The following ARHGAP22 variants were observed in gnomAD, a reference collection of about 807,000 sequenced individuals.
ARHGAP22 encodes Rho GTPase activating protein 22.
A neutral mutation model predicts 59.1 loss-of-function variants in ARHGAP22; 48 were observed. That is an observed-to-expected ratio of 0.81 (90% CI 0.64 to 1.03). ARHGAP22 has a LOEUF of 1.03. Ranked by LOEUF, ARHGAP22 falls within the 50% of genes least tolerant of loss-of-function variation. ARHGAP22 has a pLI of 0.00. For missense variants in ARHGAP22, 1,015 were observed against 958.7 expected (o/e 1.06, Z -0.78); for synonymous variants, 445 against 416.4 (o/e 1.07, Z -0.84).
intron 1 of ARHGAP22, among the ~76,000 whole-genome samples, chr10:48,628,434 C>T (rs1423331594): frequency 1.3e-5 from 2 of 152,142 alleles, no homozygotes; most frequent in African/African-American, 4.8e-5. Context: ...TAGCAGATGG[C>T]TAAGTCTGCT....
intron 3 of ARHGAP22, among the ~76,000 whole-genome samples, chr10:48,511,185 A>T (rs555554003): frequency 5.3e-5 from 8 of 152,332 alleles, no homozygotes; most frequent in African/African-American, 9.6e-5. Context: ...CCTGGCCCTC[A>T]TCAGGAAGAT....
chr10:48,491,867 C>G (rs2050427901), intron 3 of ARHGAP22, among the ~76,000 whole-genome samples: 1 of 152,244 alleles, frequency 6.6e-6, no homozygotes, highest in South Asian at 2.1e-4. Context: ...TACCAGGGAA[C>G]TATGACCCCG....
chr10:48,546,289 A>G (rs2056427860), intron 3 of ARHGAP22, among the ~76,000 whole-genome samples: 1 of 152,224 alleles, frequency 6.6e-6, no homozygotes, highest in African/African-American at 2.4e-5. Context: ...CAGTTCTTGT[A>G]AGCCCCTCAG....
At chr10:48,483,489 T>C (rs1413507331) in intron 3 of ARHGAP22, among the ~76,000 whole-genome samples, 1 of 152,210 alleles carries the variant, frequency 6.6e-6, no homozygotes, top group African/African-American at 2.4e-5. Flanking sequence ...TCCATACTGT[T>C]TTCCATAATG....
At chr10:48,646,872 A>G (rs1051256577) in intron 1 of ARHGAP22, among the ~76,000 whole-genome samples, 23 of 152,218 alleles carry the variant, frequency 1.5e-4, no homozygotes, top group Admixed American at 1.3e-4. Flanking sequence ...AAAAGAAAAG[A>G]TAGAAAAACT....
At position 48,617,086 on chromosome 10, in the gene ARHGAP22, T is replaced by G. The variant is rs558433120; in HGVS notation, c.53-33934A>C. On this transcript the variant is annotated intron_variant, in intron 1 of 9. Coordinates refer to the ARHGAP22 transcript ENST00000435790. ...TTTGGCAGGGGGGAACAGAGATATA[T>G]AGAAAAAAAGTTTTGTAATACTATT... 6.2e-5 allele frequency among the ~76,000 whole-genome samples: 8 copies of G among 128,902 alleles called. No homozygotes were observed. The South Asian group carries it at 1.8e-3, about 30-fold the overall frequency. 84.6% of individuals were successfully genotyped at this position (128,902 alleles called of 152,430 possible). A position where few individuals can be genotyped will look rare whatever the true frequency, so the allele number is the denominator to read the frequency against.
chr10:48,450,794 GC>G lies in ARHGAP22; in HGVS notation c.1334del (p.Gly445AlafsTer18), dbSNP rs748723326. The G allele has an allele frequency of 3.8e-6, 6 of 1,570,910 alleles. No individual in the cohort carries two copies. The highest frequency in any genetic ancestry group is 1.2e-5 in the South Asian group (1 of 84,102). On this transcript the variant is annotated frameshift_variant, in exon 9 of 10. Transcript: ENST00000249601. LOFTEE classifies it high-confidence loss of function. ...TGATGGGCACCTCCAGGGATGAGCC[GC>G]CCCCCTTCGGGCTTCCCGATAGGGA... ...PRSLSGSPKG[G>X]GSSLEVPIIS...
intron 2 of ARHGAP22, chr10:48,574,988 A>G (rs1474347645): frequency 6.6e-6 from 1 of 152,152 alleles, no homozygotes; most frequent in Non-Finnish European, 1.5e-5. Flanking sequence ...AGGTATTTGG[A>G]TCATGGGGGC....
intron 6 of ARHGAP22, 111 bp downstream of exon 6, chr10:48,454,891 C>T: frequency 7.4e-7 from 1 of 1,356,108 alleles, no homozygotes; most frequent in Non-Finnish European, 9.7e-7. Flanking sequence ...CAGGCCTCCA[C>T]AGGATCCATG....
At chr10:48,492,304 A>T (rs531596162) in intron 3 of ARHGAP22, among the ~76,000 whole-genome samples, 1 of 152,300 alleles carries the variant, frequency 6.6e-6, no homozygotes, top group East Asian at 1.9e-4. Flanking sequence ...AAGTGGCAGC[A>T]GCAATGTATG....
At chr10:48,563,567 C>T (rs1035870547) in intron 2 of ARHGAP22, among the ~76,000 whole-genome samples, 4 of 152,150 alleles carry the variant, frequency 2.6e-5, no homozygotes, top group South Asian at 2.1e-4. Flanking sequence ...TGCTTGCCAT[C>T]GTAACATAAC....
At chr10:48,453,991 C>A in intron 7 of ARHGAP22, 97 bp downstream of exon 7, 1 of 1,301,910 alleles carries the variant, frequency 7.7e-7, no homozygotes, top group Non-Finnish European at 1.1e-6. Flanking sequence ...GACCCGGGCC[C>A]CCCTCTGACA....
At position 48,529,368 on chromosome 10, in the gene ARHGAP22, G is replaced by A. The variant is rs565841660; in HGVS notation, c.322+26095C>T. Among the ~76,000 whole-genome samples, 6 of 152,316 alleles carry A rather than the reference G, an allele frequency of 3.9e-5. No individual in the cohort carries two copies. The East Asian group carries it at 9.6e-4, about 24-fold the overall frequency. On this transcript the variant is annotated intron_variant, in intron 3 of 9. Coordinates refer to ENST00000249601, the MANE Select transcript of ARHGAP22 (RefSeq NM_021226.4). ...TAATCCCCTCCCTCGAATCTAGGCT[G>A]CCCTATGAGCTGCTTTAATTGACAG...
In ARHGAP22 at chr10:48,531,668, GAGAAGTGAGGGCACCGAAGTACA is replaced by G. The variant is rs2054861974; in HGVS notation, c.322+23772_322+23794del. Reference sequence around the variant, plus strand: ...TGCAAGAGGAGGGCACCGAAGTACAGAGAAGTGAGGGCACCGAAGTACAGAGAAGTGAAGTCATTTGCACAAGG... The same window carrying G: ...TGCAAGAGGAGGGCACCGAAGTACAGGAGAAGTGAAGTCATTTGCACAAGG... On this transcript the variant is annotated intron_variant, in intron 3 of 9. Coordinates refer to ENST00000249601, the MANE Select transcript of ARHGAP22 (RefSeq NM_021226.4). Among the ~76,000 whole-genome samples the G allele has an allele frequency of 6.9e-4, 3 of 4,344 alleles. No homozygotes were observed. In the South Asian group the frequency reaches 0.013, roughly 18 times the overall value. The allele number at this position is 4,344 out of a possible 152,430, so 2.8% of individuals were successfully genotyped here.
chr10:48,595,143 G>A (rs185706308), intron 1 of ARHGAP22, among the ~76,000 whole-genome samples: 1 of 152,346 alleles, frequency 6.6e-6, no homozygotes, highest in East Asian at 1.9e-4. Context: ...AGCTCTGTGA[G>A]TGCAGCCCCT....
intron 3 of ARHGAP22, among the ~76,000 whole-genome samples, chr10:48,532,082 G>A (rs1014924809): frequency 7.2e-5 from 11 of 152,150 alleles, no homozygotes; most frequent in South Asian, 2.1e-4. Flanking sequence ...AGTAACTCAC[G>A]GGCATTATTT....
chr10:48,462,721 C>T (rs1030965266), intron 4 of ARHGAP22, among the ~76,000 whole-genome samples: 7 of 152,252 alleles, frequency 4.6e-5, no homozygotes, highest in African/African-American at 1.7e-4. Context: ...ACCTGGTGGG[C>T]AAGACCAGGC....
At chr10:48,479,458 G>T in intron 4 of ARHGAP22, 178 bp downstream of exon 4, 1 of 1,115,666 alleles carries the variant, frequency 9.0e-7, no homozygotes, top group Non-Finnish European at 1.3e-6. Flanking sequence ...TGAGTACACG[G>T]CAGCCGTTGG....
rs575641410 is a variant in ARHGAP22, at chr10:48,450,728, G to A, written c.1401C>T (p.Ser467=). 2.8e-4 allele frequency: 443 copies of A among 1,557,772 alleles called. No homozygotes were observed. Among genetic ancestry groups the A allele is most frequent in the Admixed American group, 6.9e-4 (36 of 52,236 alleles). The change falls in exon 9 of 10, where the codon TCC becomes TCT. Residue 467 remains serine, a synonymous_variant. Transcript: ENST00000249601. The stretch of plus-strand genomic sequence containing the variant: ...ACGAGGCCCGGCGGTGTCCGCGCAG[G>A]GAGGACAGCCCGTTCATAAGCCAGT... ...GGNWLMNGLS[S]LRGHRRASSG... is the part of the protein sequence containing the mutation.
Sources: gnomAD v4.1 joint callset for allele counts (sites outside exome capture counted in the v4.1 genomes callset) on GRCh38, gnomAD v4.1.1 for gene constraint, MANE v1.5 for transcripts, NCBI Gene and HGNC (gene_info 2026-07-23, HGNC 2026-07-21) for gene names.